Variants in ADGRB3 observed in about 807,000 individuals in gnomAD.
ADGRB3 encodes the protein brain-specific angiogenesis inhibitor 3.
In ADGRB3, 37 loss-of-function variants were observed where a neutral mutation model predicts 193.4. The observed-to-expected ratio is 0.19, with a 90% CI of 0.15 to 0.25. The LOEUF is 0.25. Ranked by LOEUF, ADGRB3 falls within the 10% of genes least tolerant of loss-of-function variation. The pLI is 1.00. For missense variants in ADGRB3, 1,637 were observed against 1,852.9 expected (o/e 0.88, Z 2.14); for synonymous variants, 690 against 644.2 (o/e 1.07, Z -1.08).
Position 68,936,630 on chromosome 6 carries a change from G to C in ADGRB3, c.980G>C (p.Ser327Thr), listed in dbSNP as rs946836850. Reference sequence around the variant, plus strand: ...GTATCACCTTACGGGACACACTGCAGCGGCCCATTAAGAGAATCAAGGGTT... The same window carrying C: ...GTATCACCTTACGGGACACACTGCACCGGCCCATTAAGAGAATCAAGGGTT... ...TCVSPYGTHC[S>T]GPLRESRVCN... is the part of the protein sequence containing the mutation. The change falls in exon 5 of 32, where the codon AGC becomes ACC. Residue 327 changes from serine (S) to threonine (T), a missense_variant. Ser to Thr is a moderately conservative substitution (Grantham distance 58, BLOSUM62 1). Transcript: ENST00000370598. 3.1e-6 allele frequency: 5 copies of C among 1,613,748 alleles called. No homozygotes were observed. In the African/African-American group the frequency reaches 5.3e-5, roughly 17 times the overall value.
At chr6:68,992,623 CTT>C (rs1245698927) in intron 10 of ADGRB3, among the ~76,000 whole-genome samples, 2 of 152,060 alleles carry the variant, frequency 1.3e-5, no homozygotes, top group East Asian at 3.9e-4. Flanking sequence ...TATGTTATGA[CTT>C]TTAGCATAAC....
At chr6:68,713,408 A>G (rs571031491) in intron 3 of ADGRB3, among the ~76,000 whole-genome samples, 6 of 151,842 alleles carry the variant, frequency 4.0e-5, no homozygotes, top group Middle Eastern at 3.4e-3. Flanking sequence ...CATAGTTTAT[A>G]TGGTCACAAA....
intron 17 of ADGRB3, among the ~76,000 whole-genome samples, chr6:69,159,489 A>G (rs1774930421): frequency 6.6e-6 from 1 of 152,154 alleles, no homozygotes; most frequent in South Asian, 2.1e-4. Context: ...ATGAATGTAA[A>G]TGAACTGAAC....
intron 3 of ADGRB3, among the ~76,000 whole-genome samples, chr6:68,745,657 T>C (rs1411382087): frequency 6.6e-6 from 1 of 151,878 alleles, no homozygotes; most frequent in Non-Finnish European, 1.5e-5. Flanking sequence ...ATATGTAATC[T>C]TATTTATTTT....
chr6:68,988,495 G>A lies in ADGRB3; in HGVS notation c.1735-5273G>A, dbSNP rs1043043442. Among the ~76,000 whole-genome samples the A allele has an allele frequency of 3.3e-5, 5 of 152,068 alleles. No individual in the cohort carries two copies. In the East Asian group the frequency reaches 9.7e-4, roughly 29 times the overall value. On this transcript the variant is annotated intron_variant, in intron 10 of 31. Coordinates refer to ENST00000370598, the MANE Select transcript of ADGRB3 (RefSeq NM_001704.3). Reference sequence around the variant, plus strand: ...TGTAGTAGTCGTAATAGAACAGTGGGGTGAACCAAGCTGACCATTATAGAT... The same window carrying A: ...TGTAGTAGTCGTAATAGAACAGTGGAGTGAACCAAGCTGACCATTATAGAT...
At chr6:68,910,562 C>T (rs1766673829) in intron 3 of ADGRB3, among the ~76,000 whole-genome samples, 1 of 152,034 alleles carries the variant, frequency 6.6e-6, no homozygotes, top group African/African-American at 2.4e-5. Context: ...GTCTTTAATC[C>T]ATCTTGAATT....
intron 17 of ADGRB3, among the ~76,000 whole-genome samples, chr6:69,166,075 A>G (rs573170320): frequency 1.3e-5 from 2 of 152,210 alleles, no homozygotes; most frequent in Admixed American, 6.5e-5. Context: ...ATATATTATC[A>G]CTAATATCCA....
At position 68,751,881 on chromosome 6, in the gene ADGRB3, C is replaced by T. The variant is rs187404845; in HGVS notation, c.757+112449C>T. ...TGGGTGTGATACAACTATAAGCCCT[C>T]CATCTGTGTAATGTAATGTGCCCTG... On this transcript the variant is annotated intron_variant, in intron 3 of 31. Coordinates refer to ENST00000370598, the MANE Select transcript of ADGRB3 (RefSeq NM_001704.3). Among the ~76,000 whole-genome samples the T allele has an allele frequency of 1.5e-3, 232 of 152,200 alleles. 1 individual carries two copies. Among genetic ancestry groups the T allele is most frequent in the Admixed American group, 3.1e-3 (48 of 15,286 alleles).
intron 17 of ADGRB3, among the ~76,000 whole-genome samples, chr6:69,079,275 A>C (rs1772320004): frequency 6.6e-6 from 1 of 152,076 alleles, no homozygotes; most frequent in Non-Finnish European, 1.5e-5. Flanking sequence ...AGATGAAATA[A>C]ATTCAAAGTG....
intron 17 of ADGRB3, among the ~76,000 whole-genome samples, chr6:69,223,460 T>C (rs762640014): frequency 2.0e-5 from 3 of 152,040 alleles, no homozygotes; most frequent in Non-Finnish European, 4.4e-5. Context: ...AGGAATGTGC[T>C]CAGATTTTTA....
chr6:68,764,289 G>T (rs1766467708), intron 3 of ADGRB3, among the ~76,000 whole-genome samples: 1 of 152,062 alleles, frequency 6.6e-6, no homozygotes, highest in Non-Finnish European at 1.5e-5. Context: ...AAGAAATAAA[G>T]AATATGATGA....
chr6:69,040,945 T>G (rs1284041873), intron 13 of ADGRB3, among the ~76,000 whole-genome samples: 2 of 152,138 alleles, frequency 1.3e-5, no homozygotes, highest in Non-Finnish European at 2.9e-5. Flanking sequence ...AAATTAAGTA[T>G]AAACTCCTAA....
chr6:69,025,091 CAAAAAAAA>C (rs66494212), intron 13 of ADGRB3, among the ~76,000 whole-genome samples: 1 of 141,426 alleles, frequency 7.1e-6, no homozygotes, highest in African/African-American at 2.6e-5. Context: ...GACTCCGTCT[CAAAAAAAA>C]AAAAAAAAAA....
intron 24 of ADGRB3, among the ~76,000 whole-genome samples, chr6:69,334,276 GTTAC>G (rs1768795070): frequency 6.6e-6 from 1 of 151,960 alleles, no homozygotes; most frequent in African/African-American, 2.4e-5. Flanking sequence ...TAATTGATCA[GTTAC>G]TTATGAAATT....
At chr6:68,693,127 CAATT>C (rs1037652940) in intron 3 of ADGRB3, among the ~76,000 whole-genome samples, 20 of 151,788 alleles carry the variant, frequency 1.3e-4, no homozygotes, top group African/African-American at 3.9e-4. Context: ...TGGGAAAGGT[CAATT>C]AAAACACAGA....
chr6:69,181,548 T>C (rs1043738611), intron 17 of ADGRB3, among the ~76,000 whole-genome samples: 6 of 152,154 alleles, frequency 3.9e-5, no homozygotes, highest in African/African-American at 1.4e-4. Context: ...ATCTTTGAAT[T>C]TTTTGGAGGC....
chr6:69,212,626 T>C (rs1359836042), intron 17 of ADGRB3, among the ~76,000 whole-genome samples: 1 of 152,216 alleles, frequency 6.6e-6, no homozygotes, highest in South Asian at 2.1e-4. Context: ...TCCTGTTCCT[T>C]CCTTGATTTG....
chr6:68,908,853 C>G (rs1201866408), intron 3 of ADGRB3, among the ~76,000 whole-genome samples: 1 of 152,138 alleles, frequency 6.6e-6, no homozygotes, highest in Non-Finnish European at 1.5e-5. Flanking sequence ...ACCTAAGCAT[C>G]TCCTCTCTTC....
At chr6:69,024,527 T>G (rs185447643) in intron 13 of ADGRB3, among the ~76,000 whole-genome samples, 3 of 152,326 alleles carry the variant, frequency 2.0e-5, no homozygotes, top group Admixed American at 1.3e-4. Context: ...TCACAACTGT[T>G]CCTTAGGAAT....
Sources: allele counts gnomAD v4.1 joint callset (sites outside exome capture counted in the v4.1 genomes callset), GRCh38; gene constraint gnomAD v4.1.1; transcripts MANE v1.5; gene names NCBI Gene and HGNC (gene_info 2026-07-23, HGNC 2026-07-21).